PTPRZ1: variants seen among roughly 807,000 people sequenced by gnomAD.
PTPRZ1 encodes protein tyrosine phosphatase receptor type Z1.
In PTPRZ1, 82 loss-of-function variants were observed where a neutral mutation model predicts 214.1. The ratio of observed to expected loss-of-function variants is 0.38; its 90% confidence interval spans 0.32 to 0.46. PTPRZ1 has a LOEUF of 0.46. Among genes scored for constraint, PTPRZ1 ranks in the 20% least tolerant of loss-of-function variants. The pLI is 1.00. For synonymous variants in PTPRZ1, 945 were observed against 987.9 expected (o/e 0.96, Z 0.81); for missense variants, 2,603 against 2,748.7 (o/e 0.95, Z 1.19).
At chr7:121,941,948 G>A (rs1248489095) in intron 2 of PTPRZ1, among the ~76,000 whole-genome samples, 1 of 152,094 alleles carries the variant, frequency 6.6e-6, no homozygotes, top group Non-Finnish European at 1.5e-5. Flanking sequence ...TTCCACTGAG[G>A]GCACTTAAAG....
intron 28 of PTPRZ1, 51 bp from the exon 29 acceptor site, chr7:122,059,702 G>A (rs1393400419): frequency 6.5e-7 from 1 of 1,549,544 alleles, no homozygotes; most frequent in Non-Finnish European, 8.6e-7. Flanking sequence ...CTAAATGTGA[G>A]TGGTGCATCT....
intron 11 of PTPRZ1, among the ~76,000 whole-genome samples, chr7:122,009,106 A>G (rs577275296): frequency 6.6e-6 from 1 of 152,100 alleles, no homozygotes; most frequent in South Asian, 2.1e-4. Flanking sequence ...TTAGCACTCA[A>G]TATAATTCAG....
intron 1 of PTPRZ1, among the ~76,000 whole-genome samples, chr7:121,908,193 A>G (rs1270037469): frequency 6.6e-6 from 1 of 152,122 alleles, no homozygotes; most frequent in Non-Finnish European, 1.5e-5. Context: ...AGTGAAATGT[A>G]TTAGTGATGG....
intron 1 of PTPRZ1, among the ~76,000 whole-genome samples, chr7:121,927,711 A>G (rs1373563632): frequency 6.6e-6 from 1 of 152,230 alleles, no homozygotes; most frequent in Non-Finnish European, 1.5e-5. Flanking sequence ...TGAAAGCGTG[A>G]TAAACTCTGG....
At chr7:121,945,700 A>G (rs1360624591) in intron 2 of PTPRZ1, among the ~76,000 whole-genome samples, 4 of 152,126 alleles carry the variant, frequency 2.6e-5, no homozygotes, top group African/African-American at 9.7e-5. Flanking sequence ...TCTCCTTTAA[A>G]TTCTGTACCT....
chr7:121,984,126 T>C lies in PTPRZ1; in HGVS notation c.928+9T>C. The C allele has an allele frequency of 1.9e-6, 3 of 1,606,752 alleles. No homozygotes were observed. Among genetic ancestry groups the C allele is most frequent in the Non-Finnish European group, 2.6e-6 (3 of 1,175,796 alleles). ...AGAGATTCATGAAGCAGGTATGTAT[T>C]TAAATATAATCTTCTACAACTCTCA... On this transcript the variant is annotated intron_variant, in intron 8 of 29. Coordinates refer to ENST00000393386, the MANE Select transcript of PTPRZ1 (RefSeq NM_002851.3).
chr7:122,047,661 T>C (rs78547486), intron 23 of PTPRZ1, among the ~76,000 whole-genome samples: 1 of 110,146 alleles, frequency 9.1e-6, no homozygotes, highest in Non-Finnish European at 1.8e-5. Flanking sequence ...TTTTTTTTTT[T>C]TCTCTGAGAC....
intron 1 of PTPRZ1, among the ~76,000 whole-genome samples, chr7:121,873,782 G>A (rs1793962417): frequency 6.6e-6 from 1 of 151,828 alleles, no homozygotes; most frequent in Admixed American, 6.5e-5. Flanking sequence ...CCATCGGCCC[G>A]CGGGCATTCG....
chr7:121,993,098 A>G (rs1433834025), intron 8 of PTPRZ1, among the ~76,000 whole-genome samples: 2 of 152,222 alleles, frequency 1.3e-5, no homozygotes, highest in Non-Finnish European at 2.9e-5. Flanking sequence ...ATGAAGCTTC[A>G]ACAGTTTCGA....
intron 2 of PTPRZ1, among the ~76,000 whole-genome samples, chr7:121,961,384 G>A (rs1796872301): frequency 6.6e-6 from 1 of 152,282 alleles, no homozygotes; most frequent in South Asian, 2.1e-4. Context: ...GTTTGCTCAG[G>A]CTCATCATTC....
At position 122,011,431 on chromosome 7, in the gene PTPRZ1, T is replaced by A. The variant is rs1798660882; in HGVS notation, c.2385T>A (p.His795Gln). Residue 795 changes from histidine to glutamine, a missense_variant, in exon 12 of 30, where the codon CAT (histidine) becomes CAA (glutamine). Physicochemically the swap from His to Gln is conservative, Grantham distance 24 (BLOSUM62 0). Around this residue, in one of 6 missense-constraint regions of PTPRZ1, gnomAD observed 1,913 missense variants for 1,914.3 expected, o/e 1.00. Transcript: ENST00000393386. ...PAASSSDSALHATPVFPSVDV... is the reference protein window; with the variant it reads ...PAASSSDSALQATPVFPSVDV... ...CTTCAAGTAGTGATTCGGCCTTGCA[T>A]GCTACGCCTGTATTTCCCAGTGTCG... 1 of 1,614,216 alleles carries A rather than the reference T, an allele frequency of 6.2e-7. No homozygotes were observed. Among genetic ancestry groups the A allele is most frequent in the African/African-American group, 1.3e-5 (1 of 75,078 alleles).
At chr7:121,947,106 T>C (rs370145622) in intron 2 of PTPRZ1, among the ~76,000 whole-genome samples, 1 of 152,254 alleles carries the variant, frequency 6.6e-6, no homozygotes, top group African/African-American at 2.4e-5. Context: ...TTTTGAAGAG[T>C]ATATTGTGAT....
intron 22 of PTPRZ1, among the ~76,000 whole-genome samples, chr7:122,043,648 C>T (rs1168670581): frequency 6.6e-6 from 1 of 152,102 alleles, no homozygotes; most frequent in Non-Finnish European, 1.5e-5. Context: ...AGCAAACTTA[C>T]ACAGGAACAG....
intron 14 of PTPRZ1, among the ~76,000 whole-genome samples, chr7:122,029,508 G>C (rs1241983738): frequency 1.3e-5 from 2 of 151,910 alleles, no homozygotes; most frequent in African/African-American, 4.8e-5. Context: ...CTGGGAAATA[G>C]AGGACAATAA....
At chr7:121,885,008 A>G (rs1209595174) in intron 1 of PTPRZ1, among the ~76,000 whole-genome samples, 3 of 152,178 alleles carry the variant, frequency 2.0e-5, no homozygotes, top group African/African-American at 7.2e-5. Flanking sequence ...ATAAATAACA[A>G]TAAGCCTGTA....
In PTPRZ1 at chr7:122,051,953, G is replaced by A. The variant is rs1306051859; in HGVS notation, c.6252+14G>A. On this transcript the variant is annotated intron_variant, in intron 25 of 29. Coordinates refer to ENST00000393386, the MANE Select transcript of PTPRZ1 (RefSeq NM_002851.3). ...TCCTATATCATGGTAAGTCAGAGAAGTCACTGAGGAGACTGCCAGCTTGTG... is the reference window on the plus strand; with the variant it reads ...TCCTATATCATGGTAAGTCAGAGAAATCACTGAGGAGACTGCCAGCTTGTG... 2 of 1,582,236 alleles carry A rather than the reference G, an allele frequency of 1.3e-6. No individual in the cohort carries two copies. Among genetic ancestry groups the A allele is most frequent in the African/African-American group, 2.8e-5 (2 of 72,696 alleles).
Position 122,034,089 on chromosome 7 carries a change from C to T in PTPRZ1, c.5167-6C>T. 1 of 1,591,928 alleles carries T rather than the reference C, an allele frequency of 6.3e-7. No individual in the cohort carries two copies. Among genetic ancestry groups the T allele is most frequent in the Non-Finnish European group, 8.6e-7 (1 of 1,160,510 alleles). On this transcript the variant is annotated splice_region_variant and splice_polypyrimidine_tract_variant and intron_variant, in intron 15 of 29. Transcript: ENST00000393386. ...TTTACTTTTTTGGCATTCATTCCCT[C>T]ATTAGACACTGAAAGAGTTTTACCA...
At chr7:121,897,541 C>T (rs757880642) in intron 1 of PTPRZ1, among the ~76,000 whole-genome samples, 5 of 152,148 alleles carry the variant, frequency 3.3e-5, no homozygotes, top group Admixed American at 6.5e-5. Context: ...CAGCAATGCA[C>T]GATGCTATCT....
intron 2 of PTPRZ1, 59 bp from the exon 3 acceptor site, chr7:121,967,892 A>T (rs773136434): frequency 1.9e-5 from 24 of 1,263,970 alleles, no homozygotes; most frequent in Non-Finnish European, 2.6e-5. Flanking sequence ...TATAATGTAA[A>T]GTTTAATTTT....
Sources: gnomAD v4.1 joint callset for allele counts (sites outside exome capture counted in the v4.1 genomes callset) on GRCh38, gnomAD v4.1.1 for gene constraint, gnomAD v4.1.1 regional missense constraint, MANE v1.5 for transcripts, NCBI Gene and HGNC (gene_info 2026-07-23, HGNC 2026-07-21) for gene names.